The following MDFIC2 variants were observed in gnomAD, a reference collection of about 807,000 sequenced individuals.
The protein encoded by MDFIC2 is myoD family inhibitor domain-containing protein 2.
chr3:70,255,430 T>C (rs1430044091), intron 2 of MDFIC2, among the ~76,000 whole-genome samples: 1 of 152,160 alleles, frequency 6.6e-6, no homozygotes, highest in Non-Finnish European at 1.5e-5. Flanking sequence ...CAGTAATTTT[T>C]TTTTCTTCTT....
intron 2 of MDFIC2, among the ~76,000 whole-genome samples, chr3:70,265,447 C>G (rs144140988): frequency 6.6e-6 from 1 of 152,044 alleles, no homozygotes; most frequent in African/African-American, 2.4e-5. Flanking sequence ...ATTTGATGAC[C>G]ACCACCCCAA....
chr3:70,270,127 C>T (rs1575611415), intron 2 of MDFIC2, among the ~76,000 whole-genome samples: 1 of 152,066 alleles, frequency 6.6e-6, no homozygotes, highest in Non-Finnish European at 1.5e-5. Context: ...TATGCACATA[C>T]ATTTGAAATG....
intron 3 of MDFIC2, among the ~76,000 whole-genome samples, chr3:70,202,725 C>T (rs1044395275): frequency 6.6e-6 from 1 of 152,102 alleles, no homozygotes; most frequent in African/African-American, 2.4e-5. Context: ...CTTTCTACAC[C>T]CCAGGGTACC....
At chr3:70,218,672 G>T (rs1297713054) in intron 2 of MDFIC2, among the ~76,000 whole-genome samples, 2 of 151,984 alleles carry the variant, frequency 1.3e-5, no homozygotes, top group Admixed American at 6.6e-5. Flanking sequence ...AACTATTCCT[G>T]ACAAGGATGT....
chr3:70,301,421 C>T lies in MDFIC2; in HGVS notation c.88+10465G>A, dbSNP rs545692821. On this transcript the variant is annotated intron_variant, in intron 2 of 3. Transcript: ENST00000567252. ...TAAAGAGCTTGTGCTTATCTGAATCCTATGGTAAACAGGATGTGTTGCTGA... is the reference window on the plus strand; with the variant it reads ...TAAAGAGCTTGTGCTTATCTGAATCTTATGGTAAACAGGATGTGTTGCTGA... 5.3e-5 allele frequency among the ~76,000 whole-genome samples: 8 copies of T among 152,112 alleles called. No individual in the cohort carries two copies. The South Asian group carries it at 6.2e-4, about 12-fold the overall frequency.
intron 2 of MDFIC2, among the ~76,000 whole-genome samples, chr3:70,214,181 G>A (rs1396244905): frequency 6.6e-6 from 1 of 151,960 alleles, no homozygotes; most frequent in East Asian, 1.9e-4. Flanking sequence ...ATCTAATTGG[G>A]GAGGGAGGAT....
chr3:70,200,846 G>A (rs563820019), intron 3 of MDFIC2, among the ~76,000 whole-genome samples: 9 of 151,832 alleles, frequency 5.9e-5, no homozygotes, highest in East Asian at 3.9e-4. Context: ...CTGTAAGATC[G>A]TAGAGCAGAG....
intron 2 of MDFIC2, among the ~76,000 whole-genome samples, chr3:70,275,027 C>T (rs766670568): frequency 1.3e-5 from 2 of 152,150 alleles, no homozygotes; most frequent in Non-Finnish European, 2.9e-5. Context: ...AAGGAAACTA[C>T]AGAAACTCAA....
At chr3:70,237,955 G>GAAAAGAAACT (rs2106639249) in intron 2 of MDFIC2, among the ~76,000 whole-genome samples, 1 of 124,166 alleles carries the variant, frequency 8.1e-6, no homozygotes, top group African/African-American at 3.2e-5. Context: ...AAAGAGAAGG[G>GAAAAGAAACT]AAAAGAAACT....
intron 2 of MDFIC2, among the ~76,000 whole-genome samples, chr3:70,243,965 G>A (rs1181874849): frequency 6.6e-6 from 1 of 152,138 alleles, no homozygotes; most frequent in Non-Finnish European, 1.5e-5. Context: ...CTTTGCTTCT[G>A]ATCTGCTAAT....
At chr3:70,283,095 G>A (rs1702105365) in intron 2 of MDFIC2, among the ~76,000 whole-genome samples, 1 of 151,930 alleles carries the variant, frequency 6.6e-6, no homozygotes, top group South Asian at 2.1e-4. Context: ...ATAGGTCTTG[G>A]GTATATTAAT....
intron 3 of MDFIC2, among the ~76,000 whole-genome samples, chr3:70,202,870 T>C (rs1701255251): frequency 6.6e-6 from 1 of 152,100 alleles, no homozygotes; most frequent in Admixed American, 6.6e-5. Context: ...CTAGAAAGCA[T>C]CATCTTTAAT....
intron 2 of MDFIC2, among the ~76,000 whole-genome samples, chr3:70,308,754 T>C (rs185025626): frequency 2.6e-5 from 4 of 152,258 alleles, no homozygotes; most frequent in Admixed American, 2.6e-4. Context: ...GGATAAATGA[T>C]ATGAATGTTT....
chr3:70,198,427 T>A (rs905431818), intron 3 of MDFIC2, among the ~76,000 whole-genome samples: 1 of 152,200 alleles, frequency 6.6e-6, no homozygotes, highest in African/African-American at 2.4e-5. Flanking sequence ...TTTCTTTCAT[T>A]ATTCATATAA....
chr3:70,282,750 C>T (rs868839453), intron 2 of MDFIC2, among the ~76,000 whole-genome samples: 9 of 152,142 alleles, frequency 5.9e-5, no homozygotes, highest in Admixed American at 6.6e-5. Context: ...TTACCACAGA[C>T]TTGTTACTTT....
rs376511569 is a variant in MDFIC2, at chr3:70,209,948, A to C, written c.89-3158T>G. On this transcript the variant is annotated intron_variant, in intron 2 of 3. Transcript: ENST00000567252. ...ATACATTAGAGAGTAGCTCAGAAAG[A>C]GCTGATAGATAACGAGACCTTGATG... 1.4e-4 allele frequency among the ~76,000 whole-genome samples: 21 copies of C among 152,222 alleles called. 1 individual carries two copies. Among genetic ancestry groups the C allele is most frequent in the East Asian group, 9.7e-4 (5 of 5,156 alleles).
chr3:70,295,301 G>T (rs568610226), intron 2 of MDFIC2, among the ~76,000 whole-genome samples: 70 of 152,280 alleles, frequency 4.6e-4, no homozygotes, highest in Non-Finnish European at 7.5e-4. Context: ...TTTCAGTAAT[G>T]TTAAGCAATT....
intron 2 of MDFIC2, among the ~76,000 whole-genome samples, chr3:70,279,693 C>T (rs1259897636): frequency 6.6e-6 from 1 of 152,176 alleles, no homozygotes; most frequent in Admixed American, 6.5e-5. Flanking sequence ...CAGATGCAAA[C>T]ACACACCCTG....
At chr3:70,224,413 C>G (rs950023640) in intron 2 of MDFIC2, among the ~76,000 whole-genome samples, 9 of 152,194 alleles carry the variant, frequency 5.9e-5, no homozygotes, top group Non-Finnish European at 1.0e-4. Flanking sequence ...TCTAGAAGCC[C>G]TTTGGATGGG....
Sources: allele counts gnomAD v4.1 joint callset (sites outside exome capture counted in the v4.1 genomes callset), GRCh38; gene constraint gnomAD v4.1.1; transcripts MANE v1.5; gene names NCBI Gene and HGNC (gene_info 2026-07-23, HGNC 2026-07-21).